Variants in MLLT3 observed in about 807,000 individuals in gnomAD.
The protein encoded by MLLT3 is protein AF-9.
In MLLT3, 4 loss-of-function variants were observed where a neutral mutation model predicts 53.2. That is an observed-to-expected ratio of 0.08 (90% CI 0.04 to 0.17). The LOEUF is 0.17. MLLT3 is among the 10% of genes least tolerant of loss of function. The pLI is 1.00. For missense variants in MLLT3, 569 were observed against 684.0 expected (o/e 0.83, Z 1.87); for synonymous variants, 283 against 230.6 (o/e 1.23, Z -2.06).
intron 2 of MLLT3, among the ~76,000 whole-genome samples, chr9:20,518,684 C>T (rs1031110836): frequency 2.0e-5 from 3 of 152,114 alleles, no homozygotes; most frequent in African/African-American, 7.2e-5. Context: ...ACCATGTACC[C>T]CTGAGGTGAT....
At chr9:20,414,757 C>T (rs1464439991) in intron 4 of MLLT3, among the ~76,000 whole-genome samples, 1 of 152,138 alleles carries the variant, frequency 6.6e-6, no homozygotes. Flanking sequence ...GGACCCCACC[C>T]TTAATAACTA....
chr9:20,419,500 C>A, intron 4 of MLLT3, among the ~76,000 whole-genome samples: 1 of 145,144 alleles, frequency 6.9e-6, no homozygotes. Flanking sequence ...GGCTGAATTA[C>A]AATCTCACAG....
At chr9:20,373,492 T>TG (rs1563941189) in intron 5 of MLLT3, among the ~76,000 whole-genome samples, 1 of 152,258 alleles carries the variant, frequency 6.6e-6, no homozygotes, top group Admixed American at 6.5e-5. Context: ...GCACTGATCC[T>TG]GTACTAAGAG....
intron 2 of MLLT3, among the ~76,000 whole-genome samples, chr9:20,465,869 G>C (rs1386311027): frequency 6.6e-6 from 1 of 152,118 alleles, no homozygotes; most frequent in Non-Finnish European, 1.5e-5. Flanking sequence ...TTAATATGAT[G>C]ACGACAGTTT....
intron 2 of MLLT3, among the ~76,000 whole-genome samples, chr9:20,598,655 T>A (rs942922085): frequency 6.6e-6 from 1 of 152,208 alleles, no homozygotes; most frequent in Non-Finnish European, 1.5e-5. Context: ...TTACCAGAAG[T>A]GATGATCAGT....
chr9:20,347,461 G>A (rs1009448578), intron 10 of MLLT3, among the ~76,000 whole-genome samples: 11 of 152,148 alleles, frequency 7.2e-5, no homozygotes, highest in Admixed American at 7.2e-4. Flanking sequence ...CCAACTTTCA[G>A]AAAAATGTTA....
chr9:20,405,050 A>G (rs567648314), intron 5 of MLLT3, among the ~76,000 whole-genome samples: 13 of 152,306 alleles, frequency 8.5e-5, no homozygotes, highest in African/African-American at 2.9e-4. Context: ...TATAATATCA[A>G]TACAATAGGT....
chr9:20,466,111 A>C (rs1394580024), intron 2 of MLLT3, among the ~76,000 whole-genome samples: 1 of 152,198 alleles, frequency 6.6e-6, no homozygotes, highest in Non-Finnish European at 1.5e-5. Context: ...TTTTAGATAC[A>C]GGTTGAATAT....
chr9:20,377,534 A>C (rs183397615), intron 5 of MLLT3, among the ~76,000 whole-genome samples: 1 of 152,316 alleles, frequency 6.6e-6, no homozygotes, highest in Admixed American at 6.5e-5. Flanking sequence ...ATATATCTGA[A>C]GAGATTATTT....
intron 4 of MLLT3, among the ~76,000 whole-genome samples, chr9:20,439,434 GA>G (rs200753760): frequency 0.1 from 11,524 of 115,064 alleles, 1,156 homozygotes; most frequent in African/African-American, 0.26. Context: ...CAGTCATCAG[GA>G]AAAAAAAAAA....
intron 2 of MLLT3, among the ~76,000 whole-genome samples, chr9:20,477,320 T>C (rs891309341): frequency 6.6e-6 from 1 of 152,188 alleles, no homozygotes; most frequent in African/African-American, 2.4e-5. Flanking sequence ...ACTCTACAAG[T>C]TGCTTATGCC....
At chr9:20,488,302 A>T (rs1246691883) in intron 2 of MLLT3, among the ~76,000 whole-genome samples, 2 of 152,112 alleles carry the variant, frequency 1.3e-5, no homozygotes, top group East Asian at 3.8e-4. Flanking sequence ...CTGTGCAACA[A>T]TGTGAATATG....
intron 5 of MLLT3, among the ~76,000 whole-genome samples, chr9:20,372,616 G>T (rs1821639560): frequency 1.6e-5 from 2 of 128,020 alleles, no homozygotes; most frequent in Admixed American, 2.0e-4. Context: ...CACTGTGTTA[G>T]CCAGGATGGT....
In MLLT3 at chr9:20,448,860, T is replaced by C. The variant is rs1400431004; in HGVS notation, c.277-594A>G. 2.0e-5 allele frequency among the ~76,000 whole-genome samples: 3 copies of C among 152,180 alleles called. No homozygotes were observed. The highest frequency in any genetic ancestry group is 7.2e-5 in the African/African-American group (3 of 41,452). Reference sequence around the variant, plus strand: ...CTCACTTGAATGTCACATAAGGGCCTTCATAATCTGGCTCTTGGCTTCATA... The same window carrying C: ...CTCACTTGAATGTCACATAAGGGCCCTCATAATCTGGCTCTTGGCTTCATA... On this transcript the variant is annotated intron_variant, in intron 3 of 10. Coordinates refer to ENST00000380338, the MANE Select transcript of MLLT3 (RefSeq NM_004529.4). The surrounding 1 kb of genome is among the most constrained non-coding windows in gnomAD (Gnocchi z 4.0).
intron 2 of MLLT3, among the ~76,000 whole-genome samples, chr9:20,541,188 T>C (rs1181103771): frequency 1.3e-5 from 2 of 152,208 alleles, no homozygotes; most frequent in African/African-American, 4.8e-5. Context: ...ACTATCAACA[T>C]TTTTGTCAAA....
At chr9:20,498,881 T>C (rs1426749729) in intron 2 of MLLT3, among the ~76,000 whole-genome samples, 1 of 152,212 alleles carries the variant, frequency 6.6e-6, no homozygotes, top group Non-Finnish European at 1.5e-5. Context: ...GCATACTGCC[T>C]TAGTATTAGT....
Position 20,418,754 on chromosome 9 carries a change from C to G in MLLT3, c.421-4329G>C, listed in dbSNP as rs561351674. Among the ~76,000 whole-genome samples, 12 of 152,168 alleles carry G rather than the reference C, an allele frequency of 7.9e-5. No individual in the cohort carries two copies. The South Asian group carries it at 1.7e-3, about 21-fold the overall frequency. On this transcript the variant is annotated intron_variant, in intron 4 of 10. Transcript: ENST00000380338. ...GCCTTGGACTCCCAACAAACTGGGACGACAGGTGCACGTGCCACCATACCC... is the reference window on the plus strand; with the variant it reads ...GCCTTGGACTCCCAACAAACTGGGAGGACAGGTGCACGTGCCACCATACCC...
Position 20,414,178 on chromosome 9 carries a change from C to A in MLLT3, c.668G>T (p.Arg223Met), listed in dbSNP as rs2118776465. Residue 223 changes from arginine to methionine, a missense_variant, in exon 5 of 11, where the codon AGG (arginine) becomes ATG (methionine). Around this residue, in one of 5 missense-constraint regions of MLLT3, gnomAD observed 437 missense variants for 376.5 expected, o/e 1.16. Coordinates refer to ENST00000380338, the MANE Select transcript of MLLT3 (RefSeq NM_004529.4). ...EHKSAFKEPS[R>M]DHNKSSKESS... ...TTCTTTGGAAGATTTGTTGTGATCC[C>A]TGGAAGGTTCTTTGAAGGCACTTTT... is the stretch of plus-strand genomic sequence containing the variant. 6.2e-7 allele frequency: 1 copy of A among 1,614,188 alleles called. No individual in the cohort carries two copies.
chr9:20,573,505 A>C (rs1260257357), intron 2 of MLLT3, among the ~76,000 whole-genome samples: 3 of 152,142 alleles, frequency 2.0e-5, no homozygotes, highest in African/African-American at 7.2e-5. Context: ...AAAACCACTA[A>C]GACATAATAC....
Sources: gnomAD v4.1 joint callset for allele counts (sites outside exome capture counted in the v4.1 genomes callset) on GRCh38, gnomAD v4.1.1 for gene constraint, gnomAD v4.1.1 regional missense constraint, Gnocchi (gnomAD v3.1) non-coding constraint, MANE v1.5 for transcripts, NCBI Gene and HGNC (gene_info 2026-07-23, HGNC 2026-07-21) for gene names.